RPS6KC1: variants seen among roughly 807,000 people sequenced by gnomAD.
The protein encoded by RPS6KC1 is ribosomal protein S6 kinase C1.
RPS6KC1 carries 54 observed loss-of-function variants against 103.8 expected under a neutral mutation model. The observed-to-expected ratio is 0.52, with a 90% CI of 0.42 to 0.65. The LOEUF (loss-of-function observed/expected upper bound fraction) is 0.65. RPS6KC1 is among the 30% of genes least tolerant of loss of function. The probability of loss-of-function intolerance (pLI) is 0.00; values close to 1 mark genes in which losing one functional copy is unlikely to be tolerated. For missense variants in RPS6KC1, 1,151 were observed against 1,253.8 expected (o/e 0.92, Z 1.24); for synonymous variants, 439 against 438.7 (o/e 1.00, Z -0.01).
chr1:213,644,836 T>C, the RPS6KC1 span, among the ~76,000 whole-genome samples: 1 of 152,202 alleles, frequency 6.6e-6, no homozygotes, highest in Non-Finnish European at 1.5e-5. Context: ...TTTTTACTCA[T>C]ACCCTTTCCA....
At chr1:213,745,066 A>G in the RPS6KC1 span, among the ~76,000 whole-genome samples, 1 of 152,156 alleles carries the variant, frequency 6.6e-6, no homozygotes, top group Non-Finnish European at 1.5e-5. Context: ...CACAAAGGAG[A>G]TTTTTCAGCT....
At position 213,242,615 on chromosome 1, in the gene RPS6KC1, T is replaced by C. The variant is rs1448271858; in HGVS notation, c.2868T>C (p.Asp956=). Residue 956 remains aspartate (D), a synonymous_variant, in exon 12 of 15, where the codon GAT becomes GAC. Transcript: ENST00000366960. ...TYFSRWSEVE[D]SCDSDAIERM... is the part of the protein sequence containing the mutation. ...TTAGCAGGTGGAGTGAGGTTGAAGA[T>C]TCCTGTGACAGCGATGCCATAGAGA... 2 of 1,613,146 alleles carry C rather than the reference T, an allele frequency of 1.2e-6. No homozygotes were observed. Among genetic ancestry groups the C allele is most frequent in the Admixed American group, 3.3e-5 (2 of 59,894 alleles).
chr1:213,801,299 A>G, the RPS6KC1 span, among the ~76,000 whole-genome samples: 1 of 152,224 alleles, frequency 6.6e-6, no homozygotes, highest in Non-Finnish European at 1.5e-5. Context: ...GCACATATGA[A>G]ACACATTTTT....
intron 12 of RPS6KC1, among the ~76,000 whole-genome samples, chr1:213,247,494 A>G (rs1281062091): frequency 6.6e-6 from 1 of 152,120 alleles, no homozygotes; most frequent in Non-Finnish European, 1.5e-5. Flanking sequence ...GCTCCATGTA[A>G]TAGTTATGTA....
At chr1:213,464,615 T>G in the RPS6KC1 span, among the ~76,000 whole-genome samples, 1 of 152,170 alleles carries the variant, frequency 6.6e-6, no homozygotes, top group African/African-American at 2.4e-5. Context: ...GGCATATTTA[T>G]TTTTCCTTTT....
At chr1:213,828,964 T>C in the RPS6KC1 span, among the ~76,000 whole-genome samples, 2 of 152,206 alleles carry the variant, frequency 1.3e-5, no homozygotes, top group Admixed American at 6.5e-5. Flanking sequence ...GTTGTTGTTA[T>C]ATTACTTTTA....
chr1:213,544,977 G>C, the RPS6KC1 span, among the ~76,000 whole-genome samples: 1 of 152,140 alleles, frequency 6.6e-6, no homozygotes, highest in Non-Finnish European at 1.5e-5. Flanking sequence ...AGACTGGGTG[G>C]CTTAAACAAC....
intron 3 of RPS6KC1, among the ~76,000 whole-genome samples, chr1:213,103,670 C>T (rs960747630): frequency 6.6e-6 from 1 of 152,156 alleles, no homozygotes; most frequent in Non-Finnish European, 1.5e-5. Context: ...TCTGCAAAGG[C>T]ACTTAAAATG....
At chr1:213,202,797 CA>C (rs1261766277) in intron 8 of RPS6KC1, among the ~76,000 whole-genome samples, 5 of 151,994 alleles carry the variant, frequency 3.3e-5, no homozygotes, top group African/African-American at 9.6e-5. Flanking sequence ...TTTTAAAAGA[CA>C]AAAATATTTT....
At chr1:213,497,871 A>G in the RPS6KC1 span, among the ~76,000 whole-genome samples, 1 of 152,072 alleles carries the variant, frequency 6.6e-6, no homozygotes, top group Non-Finnish European at 1.5e-5. Flanking sequence ...AGATATAACT[A>G]AATATGTAGA....
chr1:213,802,535 G>A, the RPS6KC1 span, among the ~76,000 whole-genome samples: 1 of 152,182 alleles, frequency 6.6e-6, no homozygotes, highest in African/African-American at 2.4e-5. Context: ...TCACCTTTCT[G>A]GCTGACAGAT....
At chr1:213,474,827 A>T in the RPS6KC1 span, among the ~76,000 whole-genome samples, 1 of 152,214 alleles carries the variant, frequency 6.6e-6, no homozygotes, top group Non-Finnish European at 1.5e-5. Flanking sequence ...AATTAAAAAA[A>T]AAGGTCACTG....
the RPS6KC1 span, among the ~76,000 whole-genome samples, chr1:213,664,677 A>G: frequency 1.3e-5 from 2 of 152,200 alleles, no homozygotes; most frequent in Admixed American, 1.3e-4. Flanking sequence ...TGGGCTGGCT[A>G]CTATGGAAAC....
the RPS6KC1 span, among the ~76,000 whole-genome samples, chr1:213,330,742 G>T: frequency 6.6e-6 from 1 of 152,358 alleles, no homozygotes; most frequent in Non-Finnish European, 1.5e-5. Flanking sequence ...GGAACAGGGT[G>T]CTGTCCACTT....
the RPS6KC1 span, among the ~76,000 whole-genome samples, chr1:213,673,621 T>C: frequency 4.6e-5 from 7 of 151,994 alleles, no homozygotes; most frequent in Non-Finnish European, 8.8e-5. Flanking sequence ...AGACCAGATA[T>C]AGGGCCTCAA....
chr1:213,617,553 A>T, the RPS6KC1 span, among the ~76,000 whole-genome samples: 1 of 152,234 alleles, frequency 6.6e-6, no homozygotes, highest in Non-Finnish European at 1.5e-5. Flanking sequence ...TTGGAAGCTT[A>T]TTATGAGTGG....
chr1:213,779,351 T>G, the RPS6KC1 span, among the ~76,000 whole-genome samples: 1 of 152,194 alleles, frequency 6.6e-6, no homozygotes, highest in South Asian at 2.1e-4. Context: ...GACTCATATC[T>G]CCGGACAAGT....
intron 8 of RPS6KC1, among the ~76,000 whole-genome samples, chr1:213,218,724 A>C (rs944588917): frequency 1.3e-5 from 2 of 152,234 alleles, no homozygotes; most frequent in Admixed American, 6.5e-5. Context: ...CCGCATATCT[A>C]CAACTATCTG....
At chr1:213,536,366 G>A in the RPS6KC1 span, among the ~76,000 whole-genome samples, 1 of 152,182 alleles carries the variant, frequency 6.6e-6, no homozygotes, top group Admixed American at 6.5e-5. Context: ...GGAAAAGATA[G>A]TGTCCCTTCT....
Sources: allele counts gnomAD v4.1 joint callset (sites outside exome capture counted in the v4.1 genomes callset), GRCh38; gene constraint gnomAD v4.1.1; transcripts MANE v1.5; gene names NCBI Gene and HGNC (gene_info 2026-07-23, HGNC 2026-07-21).